Variants in ENTPD4 observed in about 807,000 individuals in gnomAD.
The protein encoded by ENTPD4 is ectonucleoside triphosphate diphosphohydrolase 4, also known as Golgi UDPase.
A neutral mutation model predicts 79.1 loss-of-function variants in ENTPD4; 60 were observed. The ratio of observed to expected loss-of-function variants is 0.76; its 90% CI spans 0.62 to 0.94. The LOEUF (loss-of-function observed/expected upper bound fraction) is 0.94. Among genes scored for constraint, ENTPD4 ranks in the 40% least tolerant of loss-of-function variants. ENTPD4 has a pLI of 0.00. For synonymous variants in ENTPD4, 276 were observed against 292.0 expected (o/e 0.95, Z 0.56); for missense variants, 772 against 775.1 (o/e 1.00, Z 0.05).
At position 23,431,262 on chromosome 8, in the gene ENTPD4, C is replaced by T; in HGVS notation, c.*1664G>A. 1.1e-6 allele frequency: 1 copy of T among 878,248 alleles called. No individual in the cohort carries two copies. The allele number at this position is 878,248 out of a possible 1,614,324, so 54.4% of individuals were successfully genotyped here. On this transcript the variant is annotated 3_prime_UTR_variant, in exon 13 of 13. Coordinates refer to ENST00000358689, the MANE Select transcript of ENTPD4 (RefSeq NM_004901.5). The stretch of plus-strand genomic sequence containing the variant: ...TCTGCCCAGTACCTAGTTCCAAAGC[C>T]ACTTTTATAATATCCTCAGTTATCT...
intron 8 of ENTPD4, chr8:23,440,142 G>T (rs1196668590): frequency 4.3e-6 from 2 of 466,394 alleles, no homozygotes; most frequent in Non-Finnish European, 7.6e-6. Context: ...GAAAGAGAAA[G>T]TCAGCAAAAT....
At chr8:23,440,576 G>C (rs192622330) in intron 8 of ENTPD4, among the ~76,000 whole-genome samples, 1 of 152,218 alleles carries the variant, frequency 6.6e-6, no homozygotes, top group Non-Finnish European at 1.5e-5. Flanking sequence ...TTTACAAAGA[G>C]TGTAACAGTC....
In ENTPD4 at chr8:23,454,072, G is replaced by C. The variant is rs369687255; in HGVS notation, c.-98+3485C>G. ...AGTTATTTCTGGGCAATGAGATCAGGTATCATCTTTATTTTCTTCCCTAGG... is the reference window on the plus strand; with the variant it reads ...AGTTATTTCTGGGCAATGAGATCAGCTATCATCTTTATTTTCTTCCCTAGG... On this transcript the variant is annotated intron_variant, in intron 1 of 12. Transcript: ENST00000358689. 4.6e-5 allele frequency among the ~76,000 whole-genome samples: 7 copies of C among 152,264 alleles called. No individual in the cohort carries two copies. The East Asian group carries it at 5.8e-4, about 13-fold the overall frequency.
intron 7 of ENTPD4, 58 bp downstream of exon 7, chr8:23,441,949 T>C (rs1800678932): frequency 1.4e-6 from 2 of 1,468,090 alleles, no homozygotes; most frequent in Non-Finnish European, 1.9e-6. Flanking sequence ...AGCCTTTGGA[T>C]TAAACAGAAA....
chr8:23,453,775 T>C (rs1476088277), intron 1 of ENTPD4, among the ~76,000 whole-genome samples: 2 of 152,136 alleles, frequency 1.3e-5, no homozygotes, highest in Non-Finnish European at 2.9e-5. Flanking sequence ...CCCATCACAC[T>C]TCCAGAAATT....
chr8:23,429,271 A>T lies in ENTPD4; in HGVS notation c.*3655T>A. 1 of 985,484 alleles carries T rather than the reference A, an allele frequency of 1.0e-6. No individual in the cohort carries two copies. The allele number at this position is 985,484 out of a possible 1,614,324, so 61.0% of individuals were successfully genotyped here. On this transcript the variant is annotated 3_prime_UTR_variant, in exon 13 of 13. Coordinates refer to ENST00000358689, the MANE Select transcript of ENTPD4 (RefSeq NM_004901.5). ...ACCAAAAGGACCTTCCGAGAGTATTATTCTTACTTTGGATGGAAGACATCG... is the reference window on the plus strand; with the variant it reads ...ACCAAAAGGACCTTCCGAGAGTATTTTTCTTACTTTGGATGGAAGACATCG...
chr8:23,445,772 T>C (rs1360844707), intron 4 of ENTPD4, among the ~76,000 whole-genome samples: 1 of 152,260 alleles, frequency 6.6e-6, no homozygotes, highest in Non-Finnish European at 1.5e-5. Flanking sequence ...AAAATGTGTC[T>C]GTTCAAACTT....
chr8:23,433,074 G>C lies in ENTPD4; in HGVS notation c.1703C>G (p.Ser568Cys). 6.2e-7 allele frequency: 1 copy of C among 1,614,194 alleles called. No individual in the cohort carries two copies. The highest frequency in any genetic ancestry group is 8.5e-7 in the Non-Finnish European group (1 of 1,180,040). ...VSFVYNHYLF[S>C]GCFLVVLLAI... ...CAGCAGCACCACCAGGAAGCAGCCA[G>C]AGAACAGGTAGTGGTTGTAGACAAA... Residue 568 changes from serine to cysteine, a missense_variant, in exon 13 of 13, where the codon TCT (serine) becomes TGT (cysteine). By Grantham distance (112) the Ser-to-Cys change is moderately radical (BLOSUM62 -1). Transcript: ENST00000358689.
chr8:23,449,888 C>G lies in ENTPD4; in HGVS notation c.8+5G>C. 1 of 1,612,778 alleles carries G rather than the reference C, an allele frequency of 6.2e-7. No homozygotes were observed. The highest frequency in any genetic ancestry group is 8.5e-7 in the Non-Finnish European group (1 of 1,178,740). On this transcript the variant is annotated splice_donor_5th_base_variant and intron_variant, in intron 2 of 12. Coordinates refer to ENST00000358689, the MANE Select transcript of ENTPD4 (RefSeq NM_004901.5). ...TGTTTCATGGTGATTAGGCCCATCA[C>G]TTACCTCCCCATACTGAAAGGTCAG...
chr8:23,447,918 G>A, intron 3 of ENTPD4, 33 bp from the exon 4 acceptor site: 1 of 1,561,000 alleles, frequency 6.4e-7, no homozygotes, highest in Non-Finnish European at 8.8e-7. Context: ...CTTTGATTTA[G>A]ACAAAGAATA....
In ENTPD4 at chr8:23,437,049, G is replaced by T. The variant is rs780094524; in HGVS notation, c.1259C>A (p.Pro420Gln). ...QTSLNGVYQP[P>Q]IHFQNSEFYG... is the part of the protein sequence containing the mutation. ...GAATTCACTGTTCTGGAAGTGAATT[G>T]GGGGCTGGTAGACCCCATTGAGGGA... Residue 420 changes from proline to glutamine, a missense_variant, in exon 10 of 13, where the codon CCA becomes CAA. By Grantham distance (76) the Pro-to-Gln change is moderately conservative (BLOSUM62 -1). Transcript: ENST00000358689. 6.2e-7 allele frequency: 1 copy of T among 1,614,128 alleles called. No homozygotes were observed. The highest frequency in any genetic ancestry group is 8.5e-7 in the Non-Finnish European group (1 of 1,179,958).
intron 3 of ENTPD4, among the ~76,000 whole-genome samples, 189 bp downstream of exon 3, chr8:23,448,553 A>G (rs1304861502): frequency 6.6e-6 from 1 of 152,202 alleles, no homozygotes; most frequent in Non-Finnish European, 1.5e-5. Flanking sequence ...AGAACCAGGA[A>G]TCAGGCCCTC....
chr8:23,435,266 C>T (rs1563221983), intron 11 of ENTPD4, 126 bp downstream of exon 11: 1 of 652,390 alleles, frequency 1.5e-6, no homozygotes, highest in Non-Finnish European at 2.7e-6. Context: ...GAAAGGGGCC[C>T]AGGGTAGATG....
chr8:23,440,289 A>G (rs1009135810), intron 8 of ENTPD4, among the ~76,000 whole-genome samples: 1 of 152,252 alleles, frequency 6.6e-6, no homozygotes, highest in African/African-American at 2.4e-5. Context: ...CTAAATATAT[A>G]ATAGCAAGGG....
intron 2 of ENTPD4, 67 bp downstream of exon 2, chr8:23,449,826 T>C: frequency 1.4e-6 from 2 of 1,379,838 alleles, no homozygotes; most frequent in Non-Finnish European, 1.0e-6. Flanking sequence ...TAGATTTTTT[T>C]TCTCTCAAGA....
In ENTPD4 at chr8:23,436,993, C is replaced by T. The variant is rs7834525; in HGVS notation, c.1315G>A (p.Glu439Lys). The change falls in exon 10 of 13, where the codon GAG (glutamate) becomes AAG (lysine). Residue 439 changes from glutamate (E) to lysine (K), a missense_variant. By Grantham distance (56) the Glu-to-Lys change is moderately conservative. Transcript: ENST00000358689. ...TCTCCCCCCATTCGTAACACATCCT[C>T]GGTGCAGTAGTAGAATTCGGAGAAG... is the stretch of plus-strand genomic sequence containing the variant. ...YGFSEFYYCT[E>K]DVLRMGGDYN... The T allele has an allele frequency of 9.9e-6, 16 of 1,613,212 alleles. No homozygotes were observed. The highest frequency in any genetic ancestry group is 6.7e-5 in the African/African-American group (5 of 74,832).
intron 3 of ENTPD4, 129 bp downstream of exon 3, chr8:23,448,613 G>T: frequency 1.4e-6 from 1 of 734,220 alleles, no homozygotes; most frequent in Non-Finnish European, 2.2e-6. Flanking sequence ...CCAACCTCTA[G>T]AACAGTTAGA....
At chr8:23,433,306 A>G in intron 12 of ENTPD4, 152 bp from the exon 13 acceptor site, 1 of 626,604 alleles carries the variant, frequency 1.6e-6, no homozygotes, top group South Asian at 2.0e-5. Context: ...AGCCCAATGC[A>G]GGGGGCTTCT....
intron 1 of ENTPD4, among the ~76,000 whole-genome samples, chr8:23,450,891 C>T (rs2117305014): frequency 6.6e-6 from 1 of 152,304 alleles, no homozygotes; most frequent in South Asian, 2.1e-4. Context: ...CAATCTTCTC[C>T]CCTTTTTCTC....
Sources: allele counts gnomAD v4.1 joint callset (sites outside exome capture counted in the v4.1 genomes callset), GRCh38; gene constraint gnomAD v4.1.1; transcripts MANE v1.5; gene names NCBI Gene and HGNC (gene_info 2026-07-23, HGNC 2026-07-21).